CACNA1E: variants seen among roughly 807,000 people sequenced by gnomAD.
CACNA1E encodes the protein voltage-dependent R-type calcium channel subunit alpha-1E.
Under a neutral mutation model 259.2 loss-of-function variants are expected in CACNA1E, and 40 were observed. That is an observed-to-expected ratio of 0.15 (90% CI 0.12 to 0.20). The LOEUF (loss-of-function observed/expected upper bound fraction) is 0.20, where lower values mean the gene tolerates loss of function less well. Among genes scored for constraint, CACNA1E ranks in the 10% least tolerant of loss-of-function variants. The probability of loss-of-function intolerance (pLI) is 1.00; values close to 1 mark genes in which losing one functional copy is unlikely to be tolerated. For missense variants in CACNA1E, 1,874 were observed against 3,040.1 expected, an observed-to-expected ratio of 0.62 and a Z score of 9.02; for synonymous variants, 1,104 against 1,138.5, an observed-to-expected ratio of 0.97 and a Z score of 0.61.
At chr1:181,334,868 A>G (rs913825835) in intron 1 of CACNA1E, among the ~76,000 whole-genome samples, 1 of 152,198 alleles carries the variant, frequency 6.6e-6, no homozygotes, top group African/African-American at 2.4e-5. Context: ...TGAGAGTAGA[A>G]GTTAGAGCCT....
intron 1 of CACNA1E, among the ~76,000 whole-genome samples, chr1:181,355,611 CA>C (rs1217901010): frequency 1.3e-5 from 2 of 151,670 alleles, no homozygotes; most frequent in Admixed American, 6.6e-5. Context: ...CAAAACAAAA[CA>C]AAACAAAACA....
At chr1:181,770,234 A>G (rs569442266) in intron 35 of CACNA1E, among the ~76,000 whole-genome samples, 2 of 152,336 alleles carry the variant, frequency 1.3e-5, no homozygotes, top group East Asian at 3.9e-4. Context: ...TGACTGGAAA[A>G]GTAACCCAGT....
intron 1 of CACNA1E, among the ~76,000 whole-genome samples, chr1:181,356,789 G>A (rs1227535142): frequency 6.6e-6 from 1 of 152,160 alleles, no homozygotes; most frequent in Non-Finnish European, 1.5e-5. Flanking sequence ...CCTTGTCCTG[G>A]GATGTGAGGT....
chr1:181,356,569 C>T (rs1653451613), intron 1 of CACNA1E, among the ~76,000 whole-genome samples: 1 of 152,224 alleles, frequency 6.6e-6, no homozygotes, highest in Non-Finnish European at 1.5e-5. Context: ...AGAAGACATA[C>T]ATGCTCTTGC....
At chr1:181,690,285 T>C (rs955815299) in intron 7 of CACNA1E, among the ~76,000 whole-genome samples, 7 of 152,222 alleles carry the variant, frequency 4.6e-5, no homozygotes, top group Non-Finnish European at 8.8e-5. Flanking sequence ...CAGATGGTTG[T>C]AGATGTGTGG....
At chr1:181,477,218 C>T (rs1315851787) in intron 2 of CACNA1E, among the ~76,000 whole-genome samples, 1 of 150,506 alleles carries the variant, frequency 6.6e-6, no homozygotes, top group African/African-American at 2.4e-5. Context: ...CTCCAATAAA[C>T]TAGCTCTTCA....
intron 3 of CACNA1E, among the ~76,000 whole-genome samples, chr1:181,526,209 C>G (rs1667345410): frequency 6.6e-6 from 1 of 152,084 alleles, no homozygotes; most frequent in African/African-American, 2.4e-5. Context: ...GGCAACATCC[C>G]TGTGAGGTAG....
intron 1 of CACNA1E, among the ~76,000 whole-genome samples, chr1:181,406,034 C>T (rs1022331794): frequency 2.0e-5 from 3 of 152,154 alleles, no homozygotes; most frequent in Admixed American, 2.0e-4. Context: ...CAACTAAGAT[C>T]TTATGGCCTG....
chr1:181,556,821 G>GGCT (rs1188971984), intron 3 of CACNA1E, among the ~76,000 whole-genome samples: 2 of 152,156 alleles, frequency 1.3e-5, no homozygotes, highest in Admixed American at 1.3e-4. Flanking sequence ...TGTTCAGTGT[G>GGCT]GCTGCTGCTG....
chr1:181,608,929 G>A (rs1349286378), intron 6 of CACNA1E, among the ~76,000 whole-genome samples: 1 of 152,174 alleles, frequency 6.6e-6, no homozygotes, highest in East Asian at 1.9e-4. Flanking sequence ...GCTGGGGCAG[G>A]GGTGTCTCCT....
intron 3 of CACNA1E, among the ~76,000 whole-genome samples, chr1:181,546,672 AAC>A (rs1414092030): frequency 2.0e-5 from 3 of 152,112 alleles, no homozygotes; most frequent in Admixed American, 2.0e-4. Flanking sequence ...TGCGGTGATA[AAC>A]ACACCCTCTT....
intron 7 of CACNA1E, among the ~76,000 whole-genome samples, chr1:181,673,691 C>T (rs545204388): frequency 6.6e-6 from 1 of 152,262 alleles, no homozygotes; most frequent in South Asian, 2.1e-4. Flanking sequence ...CTGGGCAGGA[C>T]ATTCCTGTCC....
At chr1:181,674,573 T>C (rs969999078) in intron 7 of CACNA1E, among the ~76,000 whole-genome samples, 8 of 152,108 alleles carry the variant, frequency 5.3e-5, no homozygotes. Flanking sequence ...GTCCCCCTAA[T>C]ATGGACCAGG....
intron 34 of CACNA1E, among the ~76,000 whole-genome samples, chr1:181,764,498 A>T (rs1460859644): frequency 1.3e-5 from 2 of 152,196 alleles, no homozygotes; most frequent in Non-Finnish European, 2.9e-5. Flanking sequence ...TTGGAAAAGG[A>T]TTTCTCCCCA....
At chr1:181,764,841 G>A (rs1658890110) in intron 34 of CACNA1E, among the ~76,000 whole-genome samples, 2 of 151,850 alleles carry the variant, frequency 1.3e-5, no homozygotes, top group African/African-American at 2.4e-5. Flanking sequence ...TAAGAAATAT[G>A]TGTCATCCTG....
At chr1:181,705,118 T>G (rs1465632111) in intron 7 of CACNA1E, among the ~76,000 whole-genome samples, 1 of 152,214 alleles carries the variant, frequency 6.6e-6, no homozygotes, top group East Asian at 1.9e-4. Context: ...AGGCAGAAAT[T>G]AGCCACTTTG....
chr1:181,448,781 C>G (rs1029152873), intron 2 of CACNA1E, among the ~76,000 whole-genome samples: 2 of 152,238 alleles, frequency 1.3e-5, no homozygotes, highest in African/African-American at 4.8e-5. Context: ...CCTGCAGGGC[C>G]TCCCCTGGGT....
chr1:181,446,235 G>A (rs904913691), intron 2 of CACNA1E, among the ~76,000 whole-genome samples: 4 of 152,170 alleles, frequency 2.6e-5, no homozygotes, highest in Admixed American at 2.6e-4. Context: ...TATCTGTGAG[G>A]TCATCACAGG....
intron 1 of CACNA1E, among the ~76,000 whole-genome samples, chr1:181,408,184 T>G (rs982779424): frequency 6.6e-6 from 1 of 152,172 alleles, no homozygotes; most frequent in African/African-American, 2.4e-5. Flanking sequence ...TTTCATTGAC[T>G]TGCTGGTGTA....
Sources: gnomAD v4.1 joint callset for allele counts (sites outside exome capture counted in the v4.1 genomes callset) on GRCh38, gnomAD v4.1.1 for gene constraint, MANE v1.5 for transcripts, NCBI Gene and HGNC (gene_info 2026-07-23, HGNC 2026-07-21) for gene names.